The following RHEX variants were observed in gnomAD, a reference collection of about 807,000 sequenced individuals.
RHEX encodes regulator of hemoglobinization and erythroid cell expansion.
RHEX carries 18 observed loss-of-function variants against 20.1 expected under a neutral mutation model. The ratio of observed to expected loss-of-function variants is 0.90; its 90% CI spans 0.62 to 1.33. RHEX has a LOEUF of 1.33. Ranked by LOEUF, RHEX falls within the 40% of genes most tolerant of loss-of-function variation. The pLI is 0.00. For missense variants in RHEX, 192 were observed against 214.3 expected, an observed-to-expected ratio of 0.90 and a Z score of 0.65; for synonymous variants, 87 against 77.1, an observed-to-expected ratio of 1.13 and a Z score of -0.67.
intron 1 of RHEX, among the ~76,000 whole-genome samples, chr1:206,081,976 G>C (rs1488261032): frequency 2.0e-5 from 3 of 152,176 alleles, no homozygotes; most frequent in African/African-American, 7.2e-5. Flanking sequence ...ATTGACACTG[G>C]CAGGGCAAAC....
intron 1 of RHEX, among the ~76,000 whole-genome samples, chr1:206,059,089 T>G (rs1662256567): frequency 6.6e-6 from 1 of 152,154 alleles, no homozygotes; most frequent in Non-Finnish European, 1.5e-5. Flanking sequence ...CTGCCCCAGC[T>G]GGAGACCCAA....
At chr1:206,095,006 C>T (rs1178562400) in intron 1 of RHEX, among the ~76,000 whole-genome samples, 1 of 151,854 alleles carries the variant, frequency 6.6e-6, no homozygotes, top group African/African-American at 2.4e-5. Context: ...ATTTGGGGTC[C>T]CTTTGGCCAT....
chr1:206,065,999 G>A (rs1437689330), intron 1 of RHEX, among the ~76,000 whole-genome samples: 1 of 152,256 alleles, frequency 6.6e-6, no homozygotes, highest in Non-Finnish European at 1.5e-5. Flanking sequence ...ATGACACACA[G>A]GGCCCGGGAA....
intron 1 of RHEX, among the ~76,000 whole-genome samples, chr1:206,066,766 T>C (rs931321767): frequency 2.0e-5 from 3 of 152,164 alleles, no homozygotes; most frequent in Non-Finnish European, 4.4e-5. Context: ...TAGGACAATC[T>C]TATAAATATT....
At chr1:206,072,399 C>A (rs1034166522) in intron 1 of RHEX, among the ~76,000 whole-genome samples, 1 of 152,112 alleles carries the variant, frequency 6.6e-6, no homozygotes, top group Non-Finnish European at 1.5e-5. Flanking sequence ...CACGGTGAAA[C>A]CCTGTCTCTA....
At chr1:206,054,315 C>T (rs1662141728) in intron 1 of RHEX, among the ~76,000 whole-genome samples, 1 of 152,038 alleles carries the variant, frequency 6.6e-6, no homozygotes, top group Non-Finnish European at 1.5e-5. Flanking sequence ...AAAATTTATG[C>T]AAAAAATGTT....
At chr1:206,059,239 G>C (rs1198846613) in intron 1 of RHEX, among the ~76,000 whole-genome samples, 1 of 152,102 alleles carries the variant, frequency 6.6e-6, no homozygotes, top group Middle Eastern at 3.2e-3. Flanking sequence ...TGGTTTCCAA[G>C]ACCCCTTCCT....
intron 2 of RHEX, 42 bp downstream of exon 2, chr1:206,097,881 G>A: frequency 7.1e-7 from 1 of 1,416,772 alleles, no homozygotes; most frequent in Middle Eastern, 1.8e-4. Context: ...TTCCCACCAA[G>A]CTAACTGGTG....
At chr1:206,064,250 G>C (rs1363428066) in intron 1 of RHEX, among the ~76,000 whole-genome samples, 1 of 145,350 alleles carries the variant, frequency 6.9e-6, no homozygotes, top group African/African-American at 2.6e-5. Context: ...CACCCCGTCC[G>C]GGAGGGAGGT....
At chr1:206,094,447 G>A (rs997926259) in intron 1 of RHEX, among the ~76,000 whole-genome samples, 6 of 152,104 alleles carry the variant, frequency 3.9e-5, no homozygotes, top group Non-Finnish European at 7.4e-5. Flanking sequence ...AGGATTTTAG[G>A]GTTGAATAAT....
Position 206,097,758 on chromosome 1 carries a change from T to G in RHEX, c.-71T>G. On this transcript the variant is annotated 5_prime_UTR_variant, in exon 2 of 6. Transcript: ENST00000331555. ...ATCTCCAGCACCCTGCCGGTGGCAC[T>G]ACTGAGAGACGAGGTGCCAGGGTGG... is the stretch of plus-strand genomic sequence containing the variant. The G allele has an allele frequency of 6.2e-7, 1 of 1,613,794 alleles. No homozygotes were observed. Among genetic ancestry groups the G allele is most frequent in the South Asian group, 1.1e-5 (1 of 91,062 alleles).
intron 1 of RHEX, among the ~76,000 whole-genome samples, chr1:206,091,848 T>A (rs1368141653): frequency 6.6e-6 from 1 of 152,174 alleles, no homozygotes; most frequent in Non-Finnish European, 1.5e-5. Context: ...TTACCATATA[T>A]ATATACCTCC....
chr1:206,074,637 C>T (rs1553285012), intron 1 of RHEX, among the ~76,000 whole-genome samples: 1 of 152,180 alleles, frequency 6.6e-6, no homozygotes, highest in Non-Finnish European at 1.5e-5. Context: ...GGAAACCCTG[C>T]ACTCAGGAGT....
intron 4 of RHEX, among the ~76,000 whole-genome samples, chr1:206,100,090 A>G (rs1663158020): frequency 6.6e-6 from 1 of 152,178 alleles, no homozygotes; most frequent in Non-Finnish European, 1.5e-5. Context: ...TTGTAAAGCC[A>G]TGGCATCTTT....
chr1:206,080,693 G>A (rs1662718238), intron 1 of RHEX, among the ~76,000 whole-genome samples: 1 of 152,218 alleles, frequency 6.6e-6, no homozygotes, highest in South Asian at 2.1e-4. Context: ...GCTCAAAGCA[G>A]AGATAAGGGG....
At chr1:206,075,793 G>C (rs1337002763) in intron 1 of RHEX, among the ~76,000 whole-genome samples, 1 of 152,004 alleles carries the variant, frequency 6.6e-6, no homozygotes. Context: ...GTAGAGACAG[G>C]GTTTCACCAT....
chr1:206,071,901 A>T (rs1662543676), intron 1 of RHEX, among the ~76,000 whole-genome samples: 1 of 152,100 alleles, frequency 6.6e-6, no homozygotes. Flanking sequence ...AAAAATTAAC[A>T]ACTGATTGTA....
chr1:206,082,691 A>G (rs183047634), intron 1 of RHEX, among the ~76,000 whole-genome samples: 35 of 152,332 alleles, frequency 2.3e-4, no homozygotes, highest in Middle Eastern at 3.4e-3. Flanking sequence ...ACTGACAATC[A>G]GAGAGGTTAA....
chr1:206,056,939 C>T (rs1412896195), intron 1 of RHEX, among the ~76,000 whole-genome samples: 2 of 152,248 alleles, frequency 1.3e-5, no homozygotes, highest in African/African-American at 4.8e-5. Context: ...AAGGAAAAGT[C>T]AGCCTCTCCT....
Sources: allele counts gnomAD v4.1 joint callset (sites outside exome capture counted in the v4.1 genomes callset), GRCh38; gene constraint gnomAD v4.1.1; transcripts MANE v1.5; gene names NCBI Gene and HGNC (gene_info 2026-07-23, HGNC 2026-07-21).